STRN: variants seen among roughly 807,000 people sequenced by gnomAD.
STRN encodes striatin, also known as protein phosphatase 2 regulatory subunit B'''alpha.
A neutral mutation model predicts 96.3 loss-of-function variants in STRN; 53 were observed. The ratio of observed to expected loss-of-function variants is 0.55; its 90% CI spans 0.44 to 0.69. The LOEUF is 0.69. STRN is among the 30% of genes least tolerant of loss of function. The probability of loss-of-function intolerance (pLI) is 0.00; values close to 1 mark genes in which losing one functional copy is unlikely to be tolerated. For synonymous variants in STRN, 428 were observed against 355.9 expected, an observed-to-expected ratio of 1.20 and a Z score of -2.28; for missense variants, 987 against 963.9, an observed-to-expected ratio of 1.02 and a Z score of -0.32.
At chr2:36,949,380 A>T (rs1004315173) in intron 1 of STRN, among the ~76,000 whole-genome samples, 5 of 152,226 alleles carry the variant, frequency 3.3e-5, no homozygotes, top group African/African-American at 1.2e-4. Flanking sequence ...TCGTGCAGAG[A>T]TTTAAAACCT....
intron 1 of STRN, among the ~76,000 whole-genome samples, chr2:36,959,203 A>C (rs971883678): frequency 2.0e-5 from 3 of 152,168 alleles, no homozygotes; most frequent in Non-Finnish European, 4.4e-5. Context: ...TGCAACCAAT[A>C]AAATAAGCTA....
chr2:36,904,150 G>C (rs914031105), intron 4 of STRN, among the ~76,000 whole-genome samples: 1 of 152,146 alleles, frequency 6.6e-6, no homozygotes, highest in Non-Finnish European at 1.5e-5. Flanking sequence ...TAAAAAGGAA[G>C]ATGTATAAAT....
intron 3 of STRN, among the ~76,000 whole-genome samples, chr2:36,915,594 A>T (rs1418489335): frequency 6.6e-6 from 1 of 152,214 alleles, no homozygotes; most frequent in Non-Finnish European, 1.5e-5. Context: ...TAGTTACAGA[A>T]ACTCCTGTGG....
intron 15 of STRN, among the ~76,000 whole-genome samples, chr2:36,851,886 A>T (rs1668230508): frequency 6.6e-6 from 1 of 152,236 alleles, no homozygotes; most frequent in Non-Finnish European, 1.5e-5. Flanking sequence ...TCATAATAGA[A>T]ATGGTCATTT....
At chr2:36,919,736 A>C (rs1038047364) in intron 2 of STRN, among the ~76,000 whole-genome samples, 9 of 152,240 alleles carry the variant, frequency 5.9e-5, no homozygotes, top group African/African-American at 1.9e-4. Context: ...AGGACAGTTA[A>C]GTTACTACAG....
At chr2:36,851,617 T>C (rs549321961) in intron 15 of STRN, among the ~76,000 whole-genome samples, 7 of 152,350 alleles carry the variant, frequency 4.6e-5, no homozygotes, top group Admixed American at 1.3e-4. Flanking sequence ...TCTGGAAATA[T>C]TTATAAATTA....
At chr2:36,900,888 G>C (rs1261229408) in intron 5 of STRN, among the ~76,000 whole-genome samples, 1 of 151,388 alleles carries the variant, frequency 6.6e-6, no homozygotes, top group Non-Finnish European at 1.5e-5. Context: ...GTGAGACTCT[G>C]TCTCTAAATA....
chr2:36,903,321 G>C (rs1669738095), intron 4 of STRN, among the ~76,000 whole-genome samples: 1 of 152,160 alleles, frequency 6.6e-6, no homozygotes, highest in South Asian at 2.1e-4. Context: ...CTGAAAGGCA[G>C]CAACACAAAA....
intron 1 of STRN, among the ~76,000 whole-genome samples, chr2:36,958,878 G>A (rs1490516312): frequency 6.6e-6 from 1 of 152,176 alleles, no homozygotes; most frequent in Non-Finnish European, 1.5e-5. Context: ...CCCAACACTT[G>A]GGAGGCTGAG....
chr2:36,935,921 T>A (rs1558660249), intron 1 of STRN, among the ~76,000 whole-genome samples: 1 of 152,106 alleles, frequency 6.6e-6, no homozygotes, highest in Non-Finnish European at 1.5e-5. Flanking sequence ...TATACAAAGG[T>A]GGCTATGAAA....
intron 1 of STRN, among the ~76,000 whole-genome samples, chr2:36,930,655 T>C (rs1183588028): frequency 1.3e-5 from 2 of 152,006 alleles, no homozygotes; most frequent in African/African-American, 4.8e-5. Context: ...AAACCGTTTG[T>C]AACACAGTTA....
At chr2:36,955,307 G>A (rs985367787) in intron 1 of STRN, among the ~76,000 whole-genome samples, 3 of 152,150 alleles carry the variant, frequency 2.0e-5, no homozygotes, top group Non-Finnish European at 1.5e-5. Flanking sequence ...TGAAACGGGG[G>A]ATGAGATTAC....
intron 12 of STRN, among the ~76,000 whole-genome samples, chr2:36,866,089 G>T (rs1304807392): frequency 6.6e-6 from 1 of 151,940 alleles, no homozygotes; most frequent in Non-Finnish European, 1.5e-5. Context: ...TTATTTATTT[G>T]AGACAGGGTA....
At chr2:36,855,486 C>G in intron 14 of STRN, 134 bp from the exon 15 acceptor site, 1 of 835,634 alleles carries the variant, frequency 1.2e-6, no homozygotes, top group African/African-American at 1.7e-5. Context: ...TAAGAATTAG[C>G]TCATAACTAT....
intron 15 of STRN, 93 bp downstream of exon 15, chr2:36,855,119 A>G: frequency 2.3e-6 from 3 of 1,319,488 alleles, no homozygotes; most frequent in Non-Finnish European, 3.1e-6. Context: ...AAAGCTTTAT[A>G]ATGACAAATA....
At position 36,837,722 on chromosome 2, in the gene STRN, T is replaced by C. The variant is rs563670385; in HGVS notation, c.*11734A>G. Among the ~76,000 whole-genome samples, 2 of 152,258 alleles carry C rather than the reference T, an allele frequency of 1.3e-5. No homozygotes were observed. Among genetic ancestry groups the C allele is most frequent in the South Asian group, 4.1e-4 (2 of 4,830 alleles). On this transcript the variant is annotated 3_prime_UTR_variant, in exon 18 of 18. Coordinates refer to ENST00000263918, the MANE Select transcript of STRN (RefSeq NM_003162.4). ...GTGAAATTCAAAAGGCAAAGTTTTA[T>C]TTGGAAAAAGTACTTTTGAATGTGG...
At chr2:36,881,295 T>G (rs1356218161) in intron 9 of STRN, among the ~76,000 whole-genome samples, 1 of 152,056 alleles carries the variant, frequency 6.6e-6, no homozygotes, top group East Asian at 1.9e-4. Context: ...GTCCAGCTAA[T>G]TTTTGTATTT....
rs535800978 is a variant in STRN, at chr2:36,960,953, G to C, written c.234+5277C>G. 2.0e-5 allele frequency among the ~76,000 whole-genome samples: 3 copies of C among 151,998 alleles called. No individual in the cohort carries two copies. The East Asian group carries it at 5.8e-4, about 30-fold the overall frequency. ...ACTCTGGCACCCAGGCTAGAGTGCA[G>C]GGGCATGATCATAACGCAGTGCAGC... is the stretch of plus-strand genomic sequence containing the variant. On this transcript the variant is annotated intron_variant, in intron 1 of 17. Coordinates refer to ENST00000263918, the MANE Select transcript of STRN (RefSeq NM_003162.4).
In STRN at chr2:36,838,928, T is replaced by A. The variant is rs1270648050; in HGVS notation, c.*10528A>T. 6.6e-6 allele frequency among the ~76,000 whole-genome samples: 1 copy of A among 152,224 alleles called. No homozygotes were observed. On this transcript the variant is annotated 3_prime_UTR_variant, in exon 18 of 18. Transcript: ENST00000263918. ...CACCAAAATATCTTCTCATTAACGT[T>A]AGACTGTATATGTTTACTGATAAAT...
Sources: gnomAD v4.1 joint callset for allele counts (sites outside exome capture counted in the v4.1 genomes callset) on GRCh38, gnomAD v4.1.1 for gene constraint, MANE v1.5 for transcripts, NCBI Gene and HGNC (gene_info 2026-07-23, HGNC 2026-07-21) for gene names.